The following SEMA3A variants were observed in gnomAD, a reference collection of about 807,000 sequenced individuals.
SEMA3A encodes the protein semaphorin-3A.
SEMA3A carries 29 observed loss-of-function variants against 97.9 expected under a neutral mutation model. That is an observed-to-expected ratio of 0.30 (90% confidence interval 0.22 to 0.40). The LOEUF (loss-of-function observed/expected upper bound fraction) is 0.40, where lower values mean the gene tolerates loss of function less well. Ranked by LOEUF, SEMA3A falls within the 10% of genes least tolerant of loss-of-function variation. SEMA3A has a pLI of 1.00. For synonymous variants in SEMA3A, 321 were observed against 323.7 expected, an observed-to-expected ratio of 0.99 and a Z score of 0.09; for missense variants, 763 against 951.3, an observed-to-expected ratio of 0.80 and a Z score of 2.60.
chr7:84,407,198 C>G (rs1051158216), intron 1 of SEMA3A, among the ~76,000 whole-genome samples: 9 of 152,184 alleles, frequency 5.9e-5, no homozygotes, highest in African/African-American at 1.9e-4. Flanking sequence ...GCAACTTCAG[C>G]AAAGTCTCAG....
chr7:84,282,948 A>T (rs1490390772), intron 3 of SEMA3A, among the ~76,000 whole-genome samples: 1 of 152,088 alleles, frequency 6.6e-6, no homozygotes, highest in Non-Finnish European at 1.5e-5. Flanking sequence ...TGGAAGGTGG[A>T]GGTTGCAGCG....
At chr7:84,158,779 A>AT (rs1321590377) in intron 1 of SEMA3A, among the ~76,000 whole-genome samples, 1 of 152,192 alleles carries the variant, frequency 6.6e-6, no homozygotes, top group Non-Finnish European at 1.5e-5. Flanking sequence ...TAATTCTTAC[A>AT]TTGACACTTG....
intron 1 of SEMA3A, among the ~76,000 whole-genome samples, chr7:84,402,066 T>C (rs1803919315): frequency 6.6e-6 from 1 of 152,070 alleles, no homozygotes; most frequent in Admixed American, 6.6e-5. Flanking sequence ...AGACAACTTC[T>C]TGGGAGAAAA....
intron 12 of SEMA3A, among the ~76,000 whole-genome samples, chr7:83,993,679 A>C (rs959947451): frequency 3.9e-4 from 44 of 111,858 alleles, no homozygotes; most frequent in Admixed American, 2.6e-3. Context: ...TTCTGCTGAG[A>C]GATCTGCTGT....
chr7:84,326,291 T>A (rs940978893), intron 2 of SEMA3A, among the ~76,000 whole-genome samples: 1 of 152,154 alleles, frequency 6.6e-6, no homozygotes, highest in African/African-American at 2.4e-5. Flanking sequence ...TAAGTATTTC[T>A]GATCAAATTC....
Position 83,995,645 on chromosome 7 carries a change from T to C in SEMA3A, c.1452+6310A>G, listed in dbSNP as rs143212724. On this transcript the variant is annotated intron_variant, in intron 12 of 16. Transcript: ENST00000265362. The stretch of plus-strand genomic sequence containing the variant: ...ATATGACTTCCATTTAAAACAGATA[T>C]GGCTTTATAAGCATGTTTTCATGAA... Among the ~76,000 whole-genome samples, 156 of 152,324 alleles carry C rather than the reference T, an allele frequency of 1.0e-3. 1 individual carries two copies. Among genetic ancestry groups the C allele is most frequent in the African/African-American group, 3.4e-3 (142 of 41,580 alleles).
In SEMA3A at chr7:84,321,783, G is replaced by A. The variant is rs1012891191; in HGVS notation, c.-168-14491C>T. ...CTCAGCTACTTGATAGGCTGAGGCA[G>A]GTGAATCGTGTGAACCGGGGAGGCA... On this transcript the variant is annotated intron_variant, in intron 2 of 3. Coordinates refer to the SEMA3A transcript ENST00000424555. 3.4e-5 allele frequency among the ~76,000 whole-genome samples: 5 copies of A among 149,014 alleles called. No individual in the cohort carries two copies. The Admixed American group carries it at 3.4e-4, about 10-fold the overall frequency.
intron 1 of SEMA3A, among the ~76,000 whole-genome samples, chr7:84,457,314 G>C (rs190282009): frequency 6.4e-4 from 97 of 151,810 alleles, no homozygotes; most frequent in Admixed American, 5.0e-3. Flanking sequence ...TTTCAGTTTT[G>C]CAGCTCCTGT....
In SEMA3A at chr7:84,280,851, T is replaced by C. The variant is rs539436374; in HGVS notation, c.-83+26356A>G. On this transcript the variant is annotated intron_variant, in intron 3 of 3. Coordinates refer to the SEMA3A transcript ENST00000424555. ...AAAATTGCATTGGCATTTTTCACAA[T>C]AGCAAATTTTAAGCATTTGATCTTT... 2.6e-5 allele frequency among the ~76,000 whole-genome samples: 4 copies of C among 152,254 alleles called. No homozygotes were observed. In the South Asian group the frequency reaches 8.3e-4, roughly 32 times the overall value.
chr7:84,121,572 G>A (rs1183121631), intron 3 of SEMA3A, among the ~76,000 whole-genome samples: 5 of 142,154 alleles, frequency 3.5e-5, no homozygotes, highest in African/African-American at 7.9e-5. Flanking sequence ...AGTATTCCAC[G>A]GTGTATATGT....
intron 3 of SEMA3A, among the ~76,000 whole-genome samples, chr7:84,204,956 C>G (rs1274277639): frequency 6.6e-6 from 1 of 152,130 alleles, no homozygotes; most frequent in Admixed American, 6.6e-5. Context: ...GTGGCTTGCA[C>G]AGAAAGAATC....
chr7:84,162,025 T>A (rs562254631), intron 1 of SEMA3A, among the ~76,000 whole-genome samples: 1 of 152,158 alleles, frequency 6.6e-6, no homozygotes, highest in African/African-American at 2.4e-5. Context: ...ATTTAACATA[T>A]GGTCTTATTG....
intron 3 of SEMA3A, among the ~76,000 whole-genome samples, chr7:84,238,306 AT>A (rs1219115942): frequency 6.6e-6 from 1 of 152,090 alleles, no homozygotes. Context: ...ACCTCAGGTG[AT>A]CCGCCTGCCT....
chr7:84,034,840 C>T (rs187054185), intron 6 of SEMA3A, among the ~76,000 whole-genome samples: 3 of 152,072 alleles, frequency 2.0e-5, no homozygotes, highest in African/African-American at 7.2e-5. Flanking sequence ...GCGTAGGTAC[C>T]TCATCAAGAC....
chr7:84,283,173 C>T (rs758888638), intron 3 of SEMA3A, among the ~76,000 whole-genome samples: 5 of 151,906 alleles, frequency 3.3e-5, no homozygotes, highest in Non-Finnish European at 7.4e-5. Flanking sequence ...GGAAGCTTGG[C>T]TTCCAGACTT....
At chr7:84,441,009 T>C (rs1224802944) in intron 1 of SEMA3A, among the ~76,000 whole-genome samples, 1 of 151,774 alleles carries the variant, frequency 6.6e-6, no homozygotes, top group Non-Finnish European at 1.5e-5. Flanking sequence ...AAATACAAAA[T>C]TATCCGGGCG....
chr7:84,018,653 C>A (rs536607716), intron 6 of SEMA3A, among the ~76,000 whole-genome samples: 1 of 152,108 alleles, frequency 6.6e-6, no homozygotes, highest in East Asian at 1.9e-4. Flanking sequence ...CCAGAAACAT[C>A]TCAGGTGAAG....
intron 1 of SEMA3A, among the ~76,000 whole-genome samples, chr7:84,166,193 T>G (rs1299724050): frequency 6.6e-6 from 1 of 151,830 alleles, no homozygotes; most frequent in Admixed American, 6.6e-5. Context: ...GGAGGATCAC[T>G]TGGGCCCAGG....
intron 1 of SEMA3A, among the ~76,000 whole-genome samples, chr7:84,173,845 T>C (rs923914580): frequency 1.3e-5 from 2 of 152,022 alleles, no homozygotes; most frequent in African/African-American, 4.8e-5. Context: ...CTGCCTCCTG[T>C]CAGATCAACG....
Sources: gnomAD v4.1 joint callset for allele counts (sites outside exome capture counted in the v4.1 genomes callset) on GRCh38, gnomAD v4.1.1 for gene constraint, MANE v1.5 for transcripts, NCBI Gene and HGNC (gene_info 2026-07-23, HGNC 2026-07-21) for gene names.